Variants in MBD6 observed in about 807,000 individuals in gnomAD.
MBD6 encodes methyl-CpG binding domain protein 6.
A neutral mutation model predicts 66.8 loss-of-function variants in MBD6; 22 were observed. That is an observed-to-expected ratio of 0.33 (90% confidence interval 0.24 to 0.47). The LOEUF (loss-of-function observed/expected upper bound fraction) is 0.47, where lower values mean the gene tolerates loss of function less well. Ranked by LOEUF, MBD6 falls within the 20% of genes least tolerant of loss-of-function variation. The pLI is 1.00. For missense variants in MBD6, 1,322 were observed against 1,286.9 expected, an observed-to-expected ratio of 1.03 and a Z score of -0.42; for synonymous variants, 540 against 534.6, an observed-to-expected ratio of 1.01 and a Z score of -0.14.
At chr12:57,523,524 C>T (rs1335199715) in intron 1 of MBD6, among the ~76,000 whole-genome samples, 1 of 152,192 alleles carries the variant, frequency 6.6e-6, no homozygotes, top group Non-Finnish European at 1.5e-5. Flanking sequence ...CTGTGATCCT[C>T]ACCTCTTAAG....
In MBD6 at chr12:57,526,880, C is replaced by A. The variant is rs762420782; in HGVS notation, c.1735C>A (p.Pro579Thr). 7 of 1,613,494 alleles carry A rather than the reference C, an allele frequency of 4.3e-6. No homozygotes were observed. The highest frequency in any genetic ancestry group is 3.3e-4 in the Middle Eastern group (2 of 6,078). The change falls in exon 7 of 13, where the codon CCA (proline) becomes ACA (threonine). Residue 579 changes from proline (P) to threonine (T), a missense_variant. Transcript: ENST00000355673. ...ACCTCCCCCTGAGCCCCTGCTACCCCCACCAGGAGGACCTGGTCCTCCCCT... is the reference window on the plus strand; with the variant it reads ...ACCTCCCCCTGAGCCCCTGCTACCCACACCAGGAGGACCTGGTCCTCCCCT... ...GQPPPEPLLPPPGGPGPPLAP... is the reference protein window; with the variant it reads ...GQPPPEPLLPTPGGPGPPLAP...
chr12:57,530,949 C>T (rs774590333), downstream of MBD6, among the ~76,000 whole-genome samples: 13 of 152,284 alleles, frequency 8.5e-5, no homozygotes, highest in South Asian at 8.3e-4. Context: ...ACATAGACCA[C>T]GCTTGGGGTG....
rs570363261 is a variant in MBD6 at position 57,526,047 on chromosome 12, G to A, written c.1079G>A (p.Arg360His). 72 of 1,612,024 alleles carry A rather than the reference G, an allele frequency of 4.5e-5. No homozygotes were observed. The South Asian group carries it at 6.4e-4, about 14-fold the overall frequency. The change falls in exon 6 of 13, where the codon CGT becomes CAT. Residue 360 changes from arginine (R) to histidine (H), a missense_variant. Physicochemically the swap from Arg to His is conservative, Grantham distance 29. Coordinates refer to ENST00000355673, the MANE Select transcript of MBD6 (RefSeq NM_052897.4). ...TCAGCTTCCCACTCCTCATCACTTC[G>A]TCCCTCTCAGCGTCGTCCCCGCAGA... The part of the protein sequence containing the change: ...APSASHSSSL[R>H]PSQRRPRRPP...
downstream of MBD6, chr12:57,530,638 CAG>C (rs781008845): frequency 4.0e-6 from 6 of 1,489,050 alleles, no homozygotes; most frequent in Non-Finnish European, 4.7e-6. Flanking sequence ...AAGCTGTTAA[CAG>C]AGTTCACAGG....
upstream of MBD6, among the ~76,000 whole-genome samples, chr12:57,522,208 C>T (rs2140057134): frequency 6.6e-6 from 1 of 152,326 alleles, no homozygotes; most frequent in Non-Finnish European, 1.5e-5. Context: ...TCCACACCTC[C>T]ATTTCCTCTC....
chr12:57,529,078 G>T, intron 12 of MBD6, 69 bp downstream of exon 12: 2 of 1,613,326 alleles, frequency 1.2e-6, no homozygotes, highest in South Asian at 1.1e-5. Context: ...GAGGAAAGGA[G>T]GGTTAGAGGG....
downstream of MBD6, among the ~76,000 whole-genome samples, chr12:57,531,244 A>G (rs1426539657): frequency 6.6e-6 from 1 of 152,152 alleles, no homozygotes; most frequent in Non-Finnish European, 1.5e-5. Context: ...ACTTGCGGCC[A>G]GGTGCAGTGG....
At chr12:57,523,044 C>T (rs1831327493) in intron 1 of MBD6, 33 bp downstream of exon 1, 1 of 141,590 alleles carries the variant, frequency 7.1e-6, no homozygotes, top group South Asian at 2.3e-4. Flanking sequence ...CCCACCCTGC[C>T]CCTCCCCCTC....
Position 57,529,476 on chromosome 12 carries a change from G to T in MBD6, c.*242G>T. 5.7e-6 allele frequency: 3 copies of T among 530,720 alleles called. No individual in the cohort carries two copies. Among genetic ancestry groups the T allele is most frequent in the Non-Finnish European group, 1.0e-5 (3 of 295,980 alleles). The allele number at this position is 530,720 out of a possible 1,614,324, so 32.9% of individuals were successfully genotyped here. A position where few individuals can be genotyped will look rare whatever the true frequency, so the allele number is the denominator to read the frequency against. On this transcript the variant is annotated 3_prime_UTR_variant, in exon 13 of 13. Coordinates refer to ENST00000355673, the MANE Select transcript of MBD6 (RefSeq NM_052897.4). ...CCATGTCACTGAAAAGGCCTGGGGG[G>T]GATGGTATATGGCCCTTTCCCCACC...
chr12:57,530,950 G>A (rs1879639492), downstream of MBD6, among the ~76,000 whole-genome samples: 1 of 152,194 alleles, frequency 6.6e-6, no homozygotes, highest in Non-Finnish European at 1.5e-5. Context: ...CATAGACCAC[G>A]CTTGGGGTGA....
chr12:57,527,543 A>G lies in MBD6; in HGVS notation c.2119A>G (p.Thr707Ala). 3 of 1,613,886 alleles carry G rather than the reference A, an allele frequency of 1.9e-6. No individual in the cohort carries two copies. The highest frequency in any genetic ancestry group is 2.5e-6 in the Non-Finnish European group (3 of 1,179,968). ...GAGTGCCCCCCAACCTGGACCACCT[A>G]CCTCCAGTGTCACCACGGCAACTAC... ...VLSAPQPGPP[T>A]SSVTTATTDP... The change falls in exon 8 of 13, where the codon ACC (threonine) becomes GCC (alanine). Residue 707 changes from threonine to alanine, a missense_variant. By Grantham distance (58) the Thr-to-Ala change is moderately conservative. Coordinates refer to ENST00000355673, the MANE Select transcript of MBD6 (RefSeq NM_052897.4).
At chr12:57,530,917 A>G, downstream of MBD6, 2 of 722,288 alleles carry the variant, frequency 2.8e-6, no homozygotes, top group Admixed American at 2.4e-5. Flanking sequence ...TATAGCACCA[A>G]TTTTCAAGCT....
rs780686983 is a variant in MBD6 at position 57,526,155 on chromosome 12, C to T, written c.1187C>T (p.Pro396Leu). ...RSRPRAPAPV[P>L]QPFSLPEPSQ... ...CGTCCTCGGGCCCCTGCTCCTGTCC[C>T]CCAACCCTTTTCTCTCCCGGAGCCA... is the stretch of plus-strand genomic sequence containing the variant. The change falls in exon 6 of 13, where the codon CCC becomes CTC. Residue 396 changes from proline (P) to leucine (L), a missense_variant. Physicochemically the swap from Pro to Leu is moderately conservative, Grantham distance 98. Coordinates refer to ENST00000355673, the MANE Select transcript of MBD6 (RefSeq NM_052897.4). 6.8e-6 allele frequency: 11 copies of T among 1,614,054 alleles called. No homozygotes were observed. Among genetic ancestry groups the T allele is most frequent in the South Asian group, 3.3e-5 (3 of 91,080 alleles).
rs144856634 is a variant in MBD6, at chr12:57,527,979, G to T, written c.2368G>T (p.Ala790Ser). ...GGGAPPPLSEASSPLACLLQS... is the reference protein window; with the variant it reads ...GGGAPPPLSESSSPLACLLQS... ...GGGAGCTCCTCCACCCCTCTCAGAG[G>T]CTTCTAGTCCCCTAGCCTGCCTGCT... Residue 790 changes from alanine (A) to serine (S), a missense_variant, in exon 9 of 13, where the codon GCT becomes TCT. Ala to Ser is a moderately conservative substitution (Grantham distance 99, BLOSUM62 1). Coordinates refer to ENST00000355673, the MANE Select transcript of MBD6 (RefSeq NM_052897.4). 4.0e-5 allele frequency: 63 copies of T among 1,569,530 alleles called. No homozygotes were observed. The African/African-American group carries it at 7.8e-4, about 19-fold the overall frequency.
At position 57,522,995 on chromosome 12, in the gene MBD6, C is replaced by G. The variant is rs1295669073; in HGVS notation, c.-105C>G. 15 of 133,340 alleles carry G rather than the reference C, an allele frequency of 1.1e-4. No individual in the cohort carries two copies. The highest frequency in any genetic ancestry group is 3.9e-4 in the African/African-American group (14 of 35,560). The allele number at this position is 133,340 out of a possible 1,614,324, so 8.3% of individuals were successfully genotyped here. A position where few individuals can be genotyped will look rare whatever the true frequency, so the allele number is the denominator to read the frequency against. ...CCGCGACTGCGCAGGGCGGGGCCGG[C>G]CGAACCATGGGCCGCGGTGAGTGCG... On this transcript the variant is annotated 5_prime_UTR_variant, in exon 1 of 13. Transcript: ENST00000355673.
At chr12:57,530,544 A>C (rs1879571366), downstream of MBD6, 3 of 693,664 alleles carry the variant, frequency 4.3e-6, no homozygotes, top group Non-Finnish European at 4.8e-6. Flanking sequence ...GAGGGGTATA[A>C]ACCCCACATG....
chr12:57,523,100 C>G, intron 1 of MBD6, 89 bp downstream of exon 1: 1 of 144,756 alleles, frequency 6.9e-6, no homozygotes, highest in South Asian at 2.2e-4. Context: ...GCCCCTTTCC[C>G]CGGCCCCATC....
At chr12:57,522,271 G>C (rs1878399956), upstream of MBD6, among the ~76,000 whole-genome samples, 1 of 152,220 alleles carries the variant, frequency 6.6e-6, no homozygotes, top group Non-Finnish European at 1.5e-5. Flanking sequence ...CTGGCCTAAA[G>C]ACAGACCAGG....
rs752267749 is a variant in MBD6 at position 57,527,645 on chromosome 12, G to A, written c.2221G>A (p.Gly741Ser). The change falls in exon 8 of 13, where the codon GGT (glycine) becomes AGT (serine). Residue 741 changes from glycine to serine, a missense_variant. Transcript: ENST00000355673. ...CCCCCAACTCCTTAGCCCTCTGCTG[G>A]GTGCCAGCCTGCTGGGTGAGTCTGA... Reference protein sequence around the residue: ...RPPQLLSPLLGASLLGDLSSL... With the variant: ...RPPQLLSPLLSASLLGDLSSL... The A allele has an allele frequency of 6.2e-7, 1 of 1,600,034 alleles. No homozygotes were observed. The highest frequency in any genetic ancestry group is 1.1e-5 in the South Asian group (1 of 89,652).
Sources: allele counts gnomAD v4.1 joint callset (sites outside exome capture counted in the v4.1 genomes callset), GRCh38; gene constraint gnomAD v4.1.1; transcripts MANE v1.5; gene names NCBI Gene and HGNC (gene_info 2026-07-23, HGNC 2026-07-21).